Variants in ZNF177 observed in about 807,000 individuals in gnomAD.
ZNF177 encodes zinc finger protein 177.
ZNF177 carries 17 observed loss-of-function variants against 19.4 expected under a neutral mutation model. That is an observed-to-expected ratio of 0.87 (90% CI 0.60 to 1.31). ZNF177 has a LOEUF of 1.31. Ranked by LOEUF, ZNF177 falls within the 40% of genes most tolerant of loss-of-function variation. The pLI, the probability that ZNF177 is intolerant of heterozygous loss-of-function variation, is 0.00. For synonymous variants in ZNF177, 220 were observed against 188.7 expected, an observed-to-expected ratio of 1.17 and a Z score of -1.36; for missense variants, 633 against 561.8, an observed-to-expected ratio of 1.13 and a Z score of -1.28.
upstream of ZNF177, among the ~76,000 whole-genome samples, chr19:9,375,872 G>C (rs1015449053): frequency 7.2e-5 from 11 of 152,128 alleles, no homozygotes; most frequent in African/African-American, 2.4e-4. Flanking sequence ...TTTGGGCTTA[G>C]TTTCTTTTTC....
chr19:9,380,532 A>G (rs2068179869), intron 5 of ZNF177, 136 bp from the exon 8 acceptor site: 1 of 1,514,186 alleles, frequency 6.6e-7, no homozygotes, highest in South Asian at 1.2e-5. Context: ...AGTCATACGC[A>G]CCTACTGAAA....
chr19:9,382,449 T>TATTA, downstream of ZNF177: 1 of 398,628 alleles, frequency 2.5e-6, no homozygotes, highest in Non-Finnish European at 4.4e-6. Flanking sequence ...GGAGATACAA[T>TATTA]ATTATCTGGT....
intron 1 of ZNF177, among the ~76,000 whole-genome samples, chr19:9,364,239 T>A (rs1028842332): frequency 1.3e-5 from 2 of 152,172 alleles, no homozygotes; most frequent in South Asian, 4.1e-4. Flanking sequence ...CACTCTTCAT[T>A]TAAGAATATA....
upstream of ZNF177, among the ~76,000 whole-genome samples, chr19:9,374,043 T>TA (rs2068080864): frequency 6.6e-6 from 1 of 152,206 alleles, no homozygotes; most frequent in South Asian, 2.1e-4. Context: ...TCTCAGGTCT[T>TA]ACATTTAAGT....
At chr19:9,377,342 G>A (rs977650669) in intron 1 of ZNF177, among the ~76,000 whole-genome samples, 1 of 152,016 alleles carries the variant, frequency 6.6e-6, no homozygotes, top group Non-Finnish European at 1.5e-5. Context: ...ACTATTTATT[G>A]TTATTTTAGA....
chr19:9,365,332 T>G (rs2067962713), intron 2 of ZNF177, among the ~76,000 whole-genome samples: 4 of 143,352 alleles, frequency 2.8e-5, no homozygotes, highest in African/African-American at 7.9e-5. Flanking sequence ...AAAGAGAGAG[T>G]AGAGACATGG....
chr19:9,382,313 T>C (rs573450488), downstream of ZNF177: 1 of 398,848 alleles, frequency 2.5e-6, no homozygotes, highest in Admixed American at 4.4e-5. Flanking sequence ...AGGAAGCTCA[T>C]GGAAATGGGA....
In ZNF177 at chr19:9,371,394, T is replaced by C. The variant is rs185466096; in HGVS notation, c.-304-216T>C. On this transcript the variant is annotated intron_variant, in intron 2 of 8. Transcript: ENST00000343499. ...AATAAAGTTATTTGTTCTTAAAATG[T>C]CCCACATCATATATGGATTTTGCTG... Among the ~76,000 whole-genome samples, 663 of 152,312 alleles carry C rather than the reference T, an allele frequency of 4.4e-3. 4 individuals are homozygous for C. Among genetic ancestry groups the C allele is most frequent in the Non-Finnish European group, 7.2e-3 (488 of 68,022 alleles).
At chr19:9,380,243 A>G in intron 5 of ZNF177, 104 bp downstream of exon 7, 1 of 1,330,084 alleles carries the variant, frequency 7.5e-7, no homozygotes, top group Non-Finnish European at 1.0e-6. Context: ...TTCAGGCACC[A>G]GGCTTTCACC....
At chr19:9,381,607 T>C in exon 6 of ZNF177, 2 of 1,614,030 alleles carry the variant, frequency 1.2e-6, no homozygotes, top group Non-Finnish European at 1.7e-6. Context: ...AACCTATGAG[T>C]GTAAAGAATG....
chr19:9,378,480 G>A, intron 2 of ZNF177, 136 bp downstream of exon 4: 3 of 1,348,268 alleles, frequency 2.2e-6, no homozygotes, highest in East Asian at 2.6e-5. Flanking sequence ...TGCTTCATGT[G>A]GAAGAGGGAA....
At chr19:9,373,363 G>A (rs78556066), upstream of ZNF177, among the ~76,000 whole-genome samples, 3 of 152,146 alleles carry the variant, frequency 2.0e-5, no homozygotes, top group African/African-American at 7.2e-5. Flanking sequence ...CGACAAACAC[G>A]TTGTTTCCAT....
exon 6 of ZNF177, chr19:9,381,882 C>A: frequency 6.7e-7 from 1 of 1,483,470 alleles, no homozygotes; most frequent in Non-Finnish European, 9.0e-7. Flanking sequence ...GCCTTCTGGC[C>A]CAACTCTGGA....
At chr19:9,373,468 G>A (rs913534656), upstream of ZNF177, among the ~76,000 whole-genome samples, 9 of 152,158 alleles carry the variant, frequency 5.9e-5, no homozygotes, top group Non-Finnish European at 1.0e-4. Context: ...ATACCCAGTA[G>A]CAGGATTGCT....
chr19:9,377,837 C>T (rs928639661), intron 1 of ZNF177, among the ~76,000 whole-genome samples: 7 of 150,846 alleles, frequency 4.6e-5, no homozygotes, highest in African/African-American at 1.7e-4. Flanking sequence ...TCAGCCCAAC[C>T]CTATGAAATT....
intron 1 of ZNF177, among the ~76,000 whole-genome samples, chr19:9,377,607 G>A (rs1271195443): frequency 1.3e-5 from 2 of 152,024 alleles, no homozygotes; most frequent in East Asian, 1.9e-4. Context: ...AAGTAAAATC[G>A]GGCAGGCAAA....
Position 9,380,083 on chromosome 19 carries a change from G to C in ZNF177, c.280G>C (p.Asp94His), listed in dbSNP as rs749071447. The C allele has an allele frequency of 6.8e-6, 11 of 1,611,538 alleles. No individual in the cohort carries two copies. In the African/African-American group the frequency reaches 1.3e-4, roughly 20 times the overall value. ...CTGGGAAACTCAACTTAAACCAAAA[G>C]ATACAATTGCTATGCAGAACATTCC... Residue 94 changes from aspartate (D) to histidine (H), a missense_variant, in exon 5 of 6, where the codon GAT becomes CAT. Asp to His is a moderately conservative substitution (Grantham distance 81). Coordinates refer to ENST00000589262, the Ensembl canonical transcript of ZNF177.
At chr19:9,379,719 G>C in intron 4 of ZNF177, 100 bp downstream of exon 6, 1 of 1,369,142 alleles carries the variant, frequency 7.3e-7, no homozygotes, top group South Asian at 1.4e-5. Context: ...GCCATGACAT[G>C]AGCTTCCTTC....
chr19:9,366,217 G>A (rs1456019465), intron 2 of ZNF177, among the ~76,000 whole-genome samples: 2 of 152,080 alleles, frequency 1.3e-5, no homozygotes, highest in African/African-American at 4.8e-5. Flanking sequence ...TCCTGACCTC[G>A]TGATGCGCCC....
Sources: gnomAD v4.1 joint callset for allele counts (sites outside exome capture counted in the v4.1 genomes callset) on GRCh38, gnomAD v4.1.1 for gene constraint, MANE v1.5 for transcripts, NCBI Gene and HGNC (gene_info 2026-07-23, HGNC 2026-07-21) for gene names.